Variants in GPC3 observed in about 807,000 individuals in gnomAD.
The protein encoded by GPC3 is glypican 3.
Under a neutral mutation model 34.4 loss-of-function variants are expected in GPC3, and 3 were observed. The ratio of observed to expected loss-of-function variants is 0.09; its 90% CI spans 0.04 to 0.23. The LOEUF (loss-of-function observed/expected upper bound fraction) is 0.23, where lower values mean the gene tolerates loss of function less well. Among genes scored for constraint, GPC3 ranks in the 10% least tolerant of loss-of-function variants. GPC3 has a pLI of 1.00. For synonymous variants in GPC3, 177 were observed against 174.0 expected (o/e 1.02, Z -0.13); for missense variants, 351 against 445.6 (o/e 0.79, Z 1.91).
intron 2 of GPC3, among the ~76,000 whole-genome samples, chrX:133,837,675 T>C (rs2075806025): frequency 1.8e-5 from 2 of 111,889 alleles, no homozygotes; most frequent in African/African-American, 6.5e-5. Flanking sequence ...AACTGCCCTG[T>C]GAAGGAACTC....
At chrX:133,850,194 G>GTTTTTTTTT (rs749809263) in intron 2 of GPC3, among the ~76,000 whole-genome samples, 62 of 67,949 alleles carry the variant, frequency 9.1e-4, no homozygotes, top group African/African-American at 2.8e-3. Flanking sequence ...TTTGGGTTTT[G>GTTTTTTTTT]TTTTTTTTTT....
intron 2 of GPC3, among the ~76,000 whole-genome samples, chrX:133,903,842 C>T (rs1308193918): frequency 5.4e-5 from 6 of 110,938 alleles, no homozygotes; most frequent in Non-Finnish European, 1.1e-4. Context: ...GGTTTCTGAT[C>T]GACCCTGACC....
At chrX:133,613,384 A>G (rs1204354575) in intron 6 of GPC3, among the ~76,000 whole-genome samples, 1 of 112,127 alleles carries the variant, frequency 8.9e-6, no homozygotes, top group Admixed American at 9.5e-5. Flanking sequence ...GAGCTTGTAC[A>G]TAAAACAACA....
chrX:133,832,798 T>C (rs2075781765), intron 2 of GPC3, among the ~76,000 whole-genome samples: 1 of 112,251 alleles, frequency 8.9e-6, no homozygotes, highest in Non-Finnish European at 1.9e-5. Context: ...AAAATTAATT[T>C]CTAAAGGCAT....
chrX:133,830,347 C>T (rs2075768941), intron 2 of GPC3, among the ~76,000 whole-genome samples: 1 of 112,010 alleles, frequency 8.9e-6, no homozygotes, highest in African/African-American at 3.2e-5. Context: ...TAAAATCAAA[C>T]CTTTTCCAGA....
chrX:133,543,275 C>A (rs762334649), intron 7 of GPC3, among the ~76,000 whole-genome samples: 1 of 111,229 alleles, frequency 9.0e-6, no homozygotes, highest in Admixed American at 9.6e-5. Context: ...CATACCACCA[C>A]TCCTGGATTA....
chrX:133,806,945 G>A (rs1000147452), intron 2 of GPC3, among the ~76,000 whole-genome samples: 7 of 111,876 alleles, frequency 6.3e-5, no homozygotes, highest in African/African-American at 2.3e-4. Flanking sequence ...ACCGCACCCG[G>A]CCAAGATCGC....
intron 6 of GPC3, among the ~76,000 whole-genome samples, chrX:133,608,731 T>C (rs1241724639): frequency 1.8e-5 from 2 of 111,814 alleles, no homozygotes; most frequent in African/African-American, 6.5e-5. Flanking sequence ...ATGAGATGCC[T>C]CTAGTTTCTG....
rs193005349 is a variant in GPC3 at position 133,852,920 on chromosome X, A to G, written c.338-98744T>C. ...GAACTATCAGGGAAATTTAGGAGAAAGTTTCAAAAGAAGACATGGTATATC... is the reference window on the plus strand; with the variant it reads ...GAACTATCAGGGAAATTTAGGAGAAGGTTTCAAAAGAAGACATGGTATATC... On this transcript the variant is annotated intron_variant, in intron 2 of 7. Transcript: ENST00000370818. Among the ~76,000 whole-genome samples the G allele has an allele frequency of 4.6e-3, 478 of 103,247 alleles. 1 individual carries two copies. The highest frequency in any genetic ancestry group is 0.016 in the African/African-American group (447 of 28,630). The allele number at this position is 103,247 out of a possible 115,157, so 89.7% of individuals were successfully genotyped here. A position where few individuals can be genotyped will look rare whatever the true frequency, so the allele number is the denominator to read the frequency against.
chrX:133,938,966 T>C (rs1258715397), intron 2 of GPC3, among the ~76,000 whole-genome samples: 1 of 112,247 alleles, frequency 8.9e-6, no homozygotes, highest in Non-Finnish European at 1.9e-5. Flanking sequence ...TTGGCACATG[T>C]AGCAAAAACT....
At chrX:133,774,664 T>C (rs890751978) in intron 2 of GPC3, among the ~76,000 whole-genome samples, 1 of 111,698 alleles carries the variant, frequency 9.0e-6, no homozygotes, top group South Asian at 3.8e-4. Context: ...ACTGAATACA[T>C]AAATTATCTC....
chrX:133,761,840 A>G (rs1368251024), intron 2 of GPC3, among the ~76,000 whole-genome samples: 1 of 111,702 alleles, frequency 9.0e-6, no homozygotes, highest in Non-Finnish European at 1.9e-5. Context: ...TGGGTAACTC[A>G]TCATTTTTCC....
intron 6 of GPC3, among the ~76,000 whole-genome samples, chrX:133,627,341 A>G (rs2070315590): frequency 9.0e-6 from 1 of 111,676 alleles, no homozygotes; most frequent in African/African-American, 3.3e-5. Context: ...AATAGTTCTT[A>G]TTTGGCTAAA....
intron 5 of GPC3, among the ~76,000 whole-genome samples, chrX:133,678,544 G>T (rs1368347414): frequency 1.8e-5 from 2 of 111,728 alleles, no homozygotes; most frequent in Non-Finnish European, 3.8e-5. Flanking sequence ...GGACTGAGGG[G>T]TTTCCTAGGA....
intron 6 of GPC3, among the ~76,000 whole-genome samples, chrX:133,645,027 C>T (rs1031806097): frequency 1.8e-5 from 2 of 111,679 alleles, no homozygotes; most frequent in Non-Finnish European, 3.8e-5. Context: ...GTGATCCACC[C>T]GCCTTGGCCT....
intron 2 of GPC3, among the ~76,000 whole-genome samples, chrX:133,895,130 G>T (rs952906183): frequency 8.9e-6 from 1 of 111,925 alleles, no homozygotes; most frequent in Non-Finnish European, 1.9e-5. Flanking sequence ...AGTGAGTCCA[G>T]ATTCTACTCA....
intron 6 of GPC3, among the ~76,000 whole-genome samples, chrX:133,638,005 C>G (rs1052953157): frequency 1.8e-5 from 2 of 111,150 alleles, no homozygotes; most frequent in Non-Finnish European, 3.8e-5. Flanking sequence ...ATACCTGGCC[C>G]TCAAAATGAG....
At chrX:133,940,310 T>C (rs1025820260) in intron 2 of GPC3, among the ~76,000 whole-genome samples, 3 of 111,749 alleles carry the variant, frequency 2.7e-5, no homozygotes, top group African/African-American at 9.8e-5. Flanking sequence ...TCTATGATCA[T>C]TTCAATAAGT....
At chrX:133,577,252 T>C (rs963941574) in intron 7 of GPC3, among the ~76,000 whole-genome samples, 8 of 112,249 alleles carry the variant, frequency 7.1e-5, no homozygotes, top group Admixed American at 9.5e-5. Flanking sequence ...CTATTAGTCA[T>C]TGAAATAGCC....
Sources: allele counts gnomAD v4.1 joint callset (sites outside exome capture counted in the v4.1 genomes callset), GRCh38; gene constraint gnomAD v4.1.1; transcripts MANE v1.5; gene names NCBI Gene and HGNC (gene_info 2026-07-23, HGNC 2026-07-21).